The following ADCK2 variants were observed in gnomAD, a reference collection of about 807,000 sequenced individuals.
ADCK2 encodes uncharacterized aarF domain-containing protein kinase 2.
In ADCK2, 37 loss-of-function variants were observed where a neutral mutation model predicts 52.3. The observed-to-expected ratio is 0.71, with a 90% CI of 0.54 to 0.93. The LOEUF is 0.93. Among genes scored for constraint, ADCK2 ranks in the 40% least tolerant of loss-of-function variants. The pLI is 0.00. For missense variants in ADCK2, 695 were observed against 798.7 expected, an observed-to-expected ratio of 0.87 and a Z score of 1.56; for synonymous variants, 321 against 349.2, an observed-to-expected ratio of 0.92 and a Z score of 0.90.
chr7:140,674,886 C>A lies in ADCK2; in HGVS notation c.1080+129C>A. On this transcript the variant is annotated intron_variant, in intron 2 of 7. Coordinates refer to ENST00000072869, the MANE Select transcript of ADCK2 (RefSeq NM_052853.4). This position sits in a 1 kb window ranked among gnomAD's most constrained non-coding sequence, Gnocchi z 4.6. The stretch of plus-strand genomic sequence containing the variant: ...TCATGTGATGTGTTAGAGCTGGTAA[C>A]ACTAGCTGATAAAGAACATCCAAAT... 1 of 1,148,474 alleles carries A rather than the reference C, an allele frequency of 8.7e-7. No homozygotes were observed. The highest frequency in any genetic ancestry group is 1.2e-6 in the Non-Finnish European group (1 of 840,666). The allele number at this position is 1,148,474 out of a possible 1,614,324, so 71.1% of individuals were successfully genotyped here. A position where few individuals can be genotyped will look rare whatever the true frequency, so the allele number is the denominator to read the frequency against.
At chr7:140,679,754 C>T (rs1193229853) in intron 3 of ADCK2, among the ~76,000 whole-genome samples, 1 of 150,160 alleles carries the variant, frequency 6.7e-6, no homozygotes, top group Non-Finnish European at 1.5e-5. Flanking sequence ...CTCACTGCCA[C>T]CTCCGCCTTC....
chr7:140,685,314 G>A (rs960750254), intron 4 of ADCK2, among the ~76,000 whole-genome samples: 18 of 152,054 alleles, frequency 1.2e-4, no homozygotes, highest in African/African-American at 3.9e-4. Context: ...GCCGGGTGTG[G>A]TGGTGCACAC....
chr7:140,693,719 T>A lies in ADCK2; in HGVS notation c.1741-944T>A, dbSNP rs1585857482. On this transcript the variant is annotated intron_variant, in intron 7 of 7. Transcript: ENST00000072869. This position sits in a 1 kb window ranked among gnomAD's most constrained non-coding sequence, Gnocchi z 4.0. ...ATTGTGTGTTGTCTCTGATTTTTTTTATTTTTTTGAGATGGAGTTTCACTC... is the reference window on the plus strand; with the variant it reads ...ATTGTGTGTTGTCTCTGATTTTTTTAATTTTTTTGAGATGGAGTTTCACTC... 2.0e-5 allele frequency among the ~76,000 whole-genome samples: 3 copies of A among 152,324 alleles called. No individual in the cohort carries two copies. Among genetic ancestry groups the A allele is most frequent in the African/African-American group, 7.2e-5 (3 of 41,568 alleles).
At chr7:140,680,134 A>C (rs1485460758) in intron 3 of ADCK2, among the ~76,000 whole-genome samples, 1 of 150,516 alleles carries the variant, frequency 6.6e-6, no homozygotes, top group Admixed American at 6.6e-5. Context: ...ATCTATCTCC[A>C]TGGGTTGTTT....
Position 140,694,726 on chromosome 7 carries a change from C to T in ADCK2, c.1804C>T (p.Arg602Cys), listed in dbSNP as rs200625749. 2.0e-5 allele frequency: 33 copies of T among 1,614,036 alleles called. No individual in the cohort carries two copies. The highest frequency in any genetic ancestry group is 3.3e-5 in the Admixed American group (2 of 59,996). The change falls in exon 8 of 8, where the codon CGC (arginine) becomes TGC (cysteine). Residue 602 changes from arginine to cysteine, a missense_variant. Coordinates refer to ENST00000072869, the MANE Select transcript of ADCK2 (RefSeq NM_052853.4). ...FAIMVLEGLGRSLDPKLDILE... is the reference protein window; with the variant it reads ...FAIMVLEGLGCSLDPKLDILE... ...CATCATGGTGTTGGAGGGGCTTGGC[C>T]GCTCACTGGACCCCAAACTGGACAT...
intron 4 of ADCK2, among the ~76,000 whole-genome samples, chr7:140,682,532 G>A (rs181743008): frequency 6.6e-6 from 1 of 152,268 alleles, no homozygotes; most frequent in African/African-American, 2.4e-5. Flanking sequence ...GTAAATCTGT[G>A]AAAGAGTTTG....
In ADCK2 at chr7:140,689,744, G is replaced by C; in HGVS notation, c.1686+19G>C. On this transcript the variant is annotated intron_variant, in intron 6 of 7. Transcript: ENST00000072869. ...GGAGAAGGTGGGCAGGTCACTTGCG[G>C]AACAGGGGCTGGGGAGTCCATACCT... 6.2e-7 allele frequency: 1 copy of C among 1,603,936 alleles called. No individual in the cohort carries two copies.
chr7:140,680,893 C>G (rs1014015641), intron 3 of ADCK2, 149 bp from the exon 4 acceptor site: 8 of 689,622 alleles, frequency 1.2e-5, no homozygotes, highest in Non-Finnish European at 2.0e-5. Flanking sequence ...CTGCACATGG[C>G]TGAATGACAG....
intron 4 of ADCK2, 65 bp from the exon 5 acceptor site, chr7:140,686,925 C>G: frequency 6.3e-7 from 1 of 1,578,580 alleles, no homozygotes. Flanking sequence ...TGGCAACTTT[C>G]TTTCTCTGTA....
intron 5 of ADCK2, among the ~76,000 whole-genome samples, chr7:140,688,372 G>T (rs1340968340): frequency 1.3e-5 from 2 of 152,120 alleles, no homozygotes; most frequent in East Asian, 3.9e-4. Flanking sequence ...AACAGGACAG[G>T]TCTCCTTAGC....
At position 140,693,701 on chromosome 7, in the gene ADCK2, G is replaced by A. The variant is rs1794746453; in HGVS notation, c.1741-962G>A. 6.6e-6 allele frequency among the ~76,000 whole-genome samples: 1 copy of A among 152,130 alleles called. No individual in the cohort carries two copies. The highest frequency in any genetic ancestry group is 6.5e-5 in the Admixed American group (1 of 15,278). On this transcript the variant is annotated intron_variant, in intron 7 of 7. Transcript: ENST00000072869. The surrounding 1 kb of genome is among the most constrained non-coding windows in gnomAD (Gnocchi z 4.0). The stretch of plus-strand genomic sequence containing the variant: ...ACCCTGTTTGAGCAGTCAATTGTGT[G>A]TTGTCTCTGATTTTTTTTATTTTTT...
intron 4 of ADCK2, among the ~76,000 whole-genome samples, 178 bp from the exon 5 acceptor site, chr7:140,686,812 G>C (rs572612410): frequency 2.6e-5 from 4 of 152,224 alleles, no homozygotes; most frequent in African/African-American, 9.6e-5. Flanking sequence ...CTTTAACTTA[G>C]CTCATCCTTG....
chr7:140,678,812 G>A lies in ADCK2; in HGVS notation c.1081-343G>A, dbSNP rs1163867479. 6.6e-6 allele frequency among the ~76,000 whole-genome samples: 1 copy of A among 152,130 alleles called. No homozygotes were observed. Among genetic ancestry groups the A allele is most frequent in the African/African-American group, 2.4e-5 (1 of 41,454 alleles). On this transcript the variant is annotated intron_variant, in intron 2 of 7. Transcript: ENST00000072869. The surrounding 1 kb of genome is among the most constrained non-coding windows in gnomAD (Gnocchi z 4.9). The stretch of plus-strand genomic sequence containing the variant: ...CCCTAATGGAAAGAGAGGGCTGGGG[G>A]CTGGCCTGGAGAAGCCAGACCCCAG...
rs569430016 is a variant in ADCK2 at position 140,683,566 on chromosome 7, G to A, written c.1305+2429G>A. ...GGGTTTCCATCTCCTAAGAATTCTT[G>A]GTTGGTTTTGTCTTTCCTGTGTCTA... On this transcript the variant is annotated intron_variant, in intron 4 of 7. Coordinates refer to ENST00000072869, the MANE Select transcript of ADCK2 (RefSeq NM_052853.4). 6.6e-5 allele frequency among the ~76,000 whole-genome samples: 10 copies of A among 152,274 alleles called. No individual in the cohort carries two copies. The East Asian group carries it at 1.4e-3, about 21-fold the overall frequency.
rs1245589051 is a variant in ADCK2, at chr7:140,690,896, G to A, written c.1740+83G>A. On this transcript the variant is annotated intron_variant, in intron 7 of 7. Transcript: ENST00000072869. The stretch of plus-strand genomic sequence containing the variant: ...GGGAGGACACAGGGTGGTGGGAGGC[G>A]CTTCTATTATATGGTTCTTGTTTTT... 10 of 1,250,564 alleles carry A rather than the reference G, an allele frequency of 8.0e-6. No homozygotes were observed. The East Asian group carries it at 9.4e-5, about 12-fold the overall frequency. 77.5% of individuals were successfully genotyped at this position (1,250,564 alleles called of 1,614,324 possible). A position where few individuals can be genotyped will look rare whatever the true frequency, so the allele number is the denominator to read the frequency against.
At position 140,674,313 on chromosome 7, in the gene ADCK2, A is replaced by G; in HGVS notation, c.933+50A>G. ...TCACCTACCCACTGAGCTATCCCAG[A>G]TCAGAAACAACCGCCATGCAAATCG... On this transcript the variant is annotated intron_variant, in intron 1 of 7. Transcript: ENST00000072869. This position sits in a 1 kb window ranked among gnomAD's most constrained non-coding sequence, Gnocchi z 4.6. 2 of 1,521,990 alleles carry G rather than the reference A, an allele frequency of 1.3e-6. No homozygotes were observed. Among genetic ancestry groups the G allele is most frequent in the Non-Finnish European group, 1.8e-6 (2 of 1,128,306 alleles). The allele number at this position is 1,521,990 out of a possible 1,614,324, so 94.3% of individuals were successfully genotyped here. A position where few individuals can be genotyped will look rare whatever the true frequency, so the allele number is the denominator to read the frequency against.
In ADCK2 at chr7:140,677,021, T is replaced by TCAAACAAACAAA. The variant is rs113170613; in HGVS notation, c.1081-2109_1081-2098dup. On this transcript the variant is annotated intron_variant, in intron 2 of 7. Transcript: ENST00000072869. ...CTGGGTGACAGAGTGAGATCCCATC[T>TCAAACAAACAAA]CAAACAAACAAACAAACAAACAAAC... 1.8e-3 allele frequency among the ~76,000 whole-genome samples: 277 copies of TCAAACAAACAAA among 150,086 alleles called. 1 individual carries two copies. The highest frequency in any genetic ancestry group is 5.3e-3 in the African/African-American group (214 of 40,254).
In ADCK2 at chr7:140,673,431, C is replaced by T. The variant is rs1801667205; in HGVS notation, c.101C>T (p.Pro34Leu). Reference sequence around the variant, plus strand: ...AGCCTCCTGAGGCCCTCCGAGTGCCCTCGCGATGCCAGGCTCTGCTGGCTT... The same window carrying T: ...AGCCTCCTGAGGCCCTCCGAGTGCCTTCGCGATGCCAGGCTCTGCTGGCTT... ...GLSLLRPSEC[P>L]RDARLCWLLL... Residue 34 changes from proline to leucine, a missense_variant, in exon 1 of 8, where the codon CCT (proline) becomes CTT (leucine). By Grantham distance (98) the Pro-to-Leu change is moderately conservative. Transcript: ENST00000072869. The surrounding 1 kb of genome is among the most constrained non-coding windows in gnomAD (Gnocchi z 6.4). The T allele has an allele frequency of 6.2e-7, 1 of 1,604,576 alleles. No individual in the cohort carries two copies. Among genetic ancestry groups the T allele is most frequent in the Non-Finnish European group, 8.5e-7 (1 of 1,175,726 alleles).
chr7:140,686,818 C>T (rs1794611424), intron 4 of ADCK2, among the ~76,000 whole-genome samples, 172 bp from the exon 5 acceptor site: 1 of 152,154 alleles, frequency 6.6e-6, no homozygotes, highest in South Asian at 2.1e-4. Flanking sequence ...CTTAGCTCAT[C>T]CTTGTACAAA....
Sources: allele counts gnomAD v4.1 joint callset (sites outside exome capture counted in the v4.1 genomes callset), GRCh38; gene constraint gnomAD v4.1.1; non-coding constraint Gnocchi (gnomAD v3.1); transcripts MANE v1.5; gene names NCBI Gene and HGNC (gene_info 2026-07-23, HGNC 2026-07-21).